The following PAQR3 variants were observed in gnomAD, a reference collection of about 807,000 sequenced individuals.
PAQR3 encodes Raf kinase trapping to Golgi.
Under a neutral mutation model 41.7 loss-of-function variants are expected in PAQR3, and 39 were observed. That is an observed-to-expected ratio of 0.93 (90% CI 0.72 to 1.22). The LOEUF (loss-of-function observed/expected upper bound fraction) is 1.22. PAQR3 is among the 50% of genes most tolerant of loss of function. The probability of loss-of-function intolerance (pLI) is 0.00; values close to 1 mark genes in which losing one functional copy is unlikely to be tolerated. For synonymous variants in PAQR3, 140 were observed against 140.6 expected (o/e 1.00, Z 0.03); for missense variants, 366 against 385.6 (o/e 0.95, Z 0.42).
At position 78,930,572 on chromosome 4, in the gene PAQR3, A is replaced by T. The variant is rs370158546; in HGVS notation, c.349-247T>A. The T allele has an allele frequency of 4.4e-5, 13 of 292,974 alleles. 1 individual carries two copies. The highest frequency in any genetic ancestry group is 2.4e-4 in the African/African-American group (11 of 46,188). 18.1% of individuals were successfully genotyped at this position (292,974 alleles called of 1,614,324 possible). On this transcript the variant is annotated intron_variant, in intron 2 of 5. Transcript: ENST00000512733. ...ATAATAATAATGAAGGAGAAAATTT[A>T]AAATAACTATATTACAAAATGAAAA...
downstream of PAQR3, among the ~76,000 whole-genome samples, chr4:78,909,481 C>T (rs777336710): frequency 9.2e-5 from 14 of 152,034 alleles, no homozygotes; most frequent in Non-Finnish European, 1.2e-4. Context: ...CCTTAGAGGA[C>T]CTTCACAGTC....
In PAQR3 at chr4:78,926,783, T is replaced by G. The variant is rs569547556; in HGVS notation, c.505-65A>C. On this transcript the variant is annotated intron_variant, in intron 3 of 5. Transcript: ENST00000512733. ...CAATAAAGGAACTGAAAAAGTAATT[T>G]TGGCTTTTACACTACAAATTCCAAA... is the stretch of plus-strand genomic sequence containing the variant. The G allele has an allele frequency of 1.1e-4, 169 of 1,495,530 alleles. No individual in the cohort carries two copies. The African/African-American group carries it at 1.9e-3, about 17-fold the overall frequency. The allele number at this position is 1,495,530 out of a possible 1,614,324, so 92.6% of individuals were successfully genotyped here.
intron 2 of PAQR3, among the ~76,000 whole-genome samples, chr4:78,933,747 A>G (rs1269039430): frequency 2.0e-5 from 3 of 152,136 alleles, no homozygotes; most frequent in Non-Finnish European, 4.4e-5. Flanking sequence ...AATTGTTGTA[A>G]TTATTTAATC....
intron 11 of PAQR3, among the ~76,000 whole-genome samples, chr4:78,905,758 A>G (rs1734251905): frequency 6.6e-6 from 1 of 152,032 alleles, no homozygotes; most frequent in Admixed American, 6.6e-5. Context: ...GTATTATTTA[A>G]TCTAACAACT....
chr4:78,937,432 T>G (rs1215580808), intron 1 of PAQR3, among the ~76,000 whole-genome samples: 1 of 152,216 alleles, frequency 6.6e-6, no homozygotes, highest in Non-Finnish European at 1.5e-5. Flanking sequence ...CCATCCTTAT[T>G]GAAGTTAACA....
In PAQR3 at chr4:78,918,570, T is replaced by C. The variant is rs1019453049; in HGVS notation, c.*1969A>G. ...GAATAATTTTCCCTACAGAAAGACC[T>C]GTACACCCTTTAAATTCAAAGAAAC... On this transcript the variant is annotated 3_prime_UTR_variant, in exon 6 of 6. Transcript: ENST00000512733. The C allele has an allele frequency of 2.1e-6, 2 of 975,022 alleles. No homozygotes were observed. The highest frequency in any genetic ancestry group is 3.5e-5 in the African/African-American group (2 of 57,094). The allele number at this position is 975,022 out of a possible 1,614,324, so 60.4% of individuals were successfully genotyped here.
chr4:78,917,462 A>C lies in PAQR3; in HGVS notation c.*3077T>G, dbSNP rs529628053. ...AAAATGTTTTCTTAAGGGTAGTTTC[A>C]GTTCTGGATCATTATCTCATTACAC... On this transcript the variant is annotated 3_prime_UTR_variant, in exon 6 of 6. Coordinates refer to ENST00000512733, the MANE Select transcript of PAQR3 (RefSeq NM_001040202.2). The C allele has an allele frequency of 6.6e-6, 1 of 151,952 alleles. No homozygotes were observed. The highest frequency in any genetic ancestry group is 2.4e-5 in the African/African-American group (1 of 41,390). 9.4% of individuals were successfully genotyped at this position (151,952 alleles called of 1,614,324 possible).
chr4:78,938,911 G>T (rs1457963865), intron 1 of PAQR3, 129 bp downstream of exon 1: 2 of 863,606 alleles, frequency 2.3e-6, no homozygotes, highest in Non-Finnish European at 3.5e-6. Flanking sequence ...CGGCAAAAAG[G>T]GATGAAAAGG....
At chr4:78,903,597 T>C (rs1262401671) in intron 11 of PAQR3, among the ~76,000 whole-genome samples, 1 of 152,012 alleles carries the variant, frequency 6.6e-6, no homozygotes, top group East Asian at 1.9e-4. Context: ...CAGGCTTATT[T>C]GGATGTTTAT....
downstream of PAQR3, among the ~76,000 whole-genome samples, chr4:78,907,928 T>A (rs1273174979): frequency 6.6e-6 from 1 of 152,172 alleles, no homozygotes; most frequent in African/African-American, 2.4e-5. Context: ...CAGTCAGGGA[T>A]GATGGGAAAT....
intron 10 of PAQR3, among the ~76,000 whole-genome samples, chr4:78,906,405 A>G (rs994598952): frequency 3.9e-5 from 6 of 152,128 alleles, no homozygotes; most frequent in Non-Finnish European, 7.4e-5. Flanking sequence ...CCAACAGAAA[A>G]TTTCCCCAGT....
intron 4 of PAQR3, among the ~76,000 whole-genome samples, chr4:78,924,287 G>C (rs1263700650): frequency 1.3e-5 from 2 of 152,118 alleles, no homozygotes; most frequent in Non-Finnish European, 2.9e-5. Context: ...GGAACTTATG[G>C]CTGGAAAAGA....
At chr4:78,923,121 G>C (rs1444807423) in intron 5 of PAQR3, 1 of 367,006 alleles carries the variant, frequency 2.7e-6, no homozygotes, top group African/African-American at 2.1e-5. Context: ...CTATTTTATA[G>C]ACCCTTTTGA....
Position 78,919,524 on chromosome 4 carries a change from C to T in PAQR3, c.*1015G>A, listed in dbSNP as rs1422136228. The T allele has an allele frequency of 3.0e-6, 3 of 984,950 alleles. No homozygotes were observed. Among genetic ancestry groups the T allele is most frequent in the East Asian group, 2.3e-4 (2 of 8,828 alleles). 61.0% of individuals were successfully genotyped at this position (984,950 alleles called of 1,614,324 possible). On this transcript the variant is annotated 3_prime_UTR_variant, in exon 6 of 6. Coordinates refer to ENST00000512733, the MANE Select transcript of PAQR3 (RefSeq NM_001040202.2). Reference sequence around the variant, plus strand: ...GCTAACACATGCAGAAACCGAGGACCAGAGCACAGGTGAATAAGATTATTA... The same window carrying T: ...GCTAACACATGCAGAAACCGAGGACTAGAGCACAGGTGAATAAGATTATTA...
chr4:78,889,791 T>G (rs1733332877), intron 11 of PAQR3, among the ~76,000 whole-genome samples: 1 of 152,266 alleles, frequency 6.6e-6, no homozygotes, highest in East Asian at 1.9e-4. Context: ...CCATCTTATT[T>G]GAATTTGAGA....
At chr4:78,938,274 C>A (rs565571189) in intron 1 of PAQR3, among the ~76,000 whole-genome samples, 2 of 152,140 alleles carry the variant, frequency 1.3e-5, no homozygotes, top group African/African-American at 2.4e-5. Context: ...TGGACAGTTA[C>A]TCCAAGAACT....
At chr4:78,927,041 C>A (rs886350094) in intron 3 of PAQR3, among the ~76,000 whole-genome samples, 26 of 152,180 alleles carry the variant, frequency 1.7e-4, no homozygotes, top group African/African-American at 6.3e-4. Flanking sequence ...CAGCAGTCAG[C>A]TCACAGACTA....
At chr4:78,925,904 A>G (rs944393391) in intron 4 of PAQR3, among the ~76,000 whole-genome samples, 11 of 152,196 alleles carry the variant, frequency 7.2e-5, no homozygotes, top group African/African-American at 2.2e-4. Context: ...CTGTTCCCCC[A>G]TAATACCTGA....
At chr4:78,924,778 G>A (rs1479828970) in intron 4 of PAQR3, among the ~76,000 whole-genome samples, 1 of 151,806 alleles carries the variant, frequency 6.6e-6, no homozygotes, top group Non-Finnish European at 1.5e-5. Flanking sequence ...CTACTTAGGA[G>A]GCTGAGGTGG....
Sources: allele counts gnomAD v4.1 joint callset (sites outside exome capture counted in the v4.1 genomes callset), GRCh38; gene constraint gnomAD v4.1.1; transcripts MANE v1.5; gene names NCBI Gene and HGNC (gene_info 2026-07-23, HGNC 2026-07-21).